MOB1B: variants seen among roughly 807,000 people sequenced by gnomAD.
MOB1B encodes the protein MOB1 Mps One Binder homolog B.
In MOB1B, 19 loss-of-function variants were observed where a neutral mutation model predicts 24.4. The observed-to-expected ratio is 0.78, with a 90% confidence interval of 0.54 to 1.14. The LOEUF (loss-of-function observed/expected upper bound fraction) is 1.14. Among genes scored for constraint, MOB1B ranks in the 50% most tolerant of loss-of-function variants. The pLI, the probability that MOB1B is intolerant of heterozygous loss-of-function variation, is 0.00. For missense variants in MOB1B, 243 were observed against 259.6 expected, an observed-to-expected ratio of 0.94 and a Z score of 0.44; for synonymous variants, 76 against 82.1, an observed-to-expected ratio of 0.93 and a Z score of 0.40.
intron 1 of MOB1B, among the ~76,000 whole-genome samples, chr4:70,923,840 C>G (rs1560634937): frequency 2.0e-5 from 3 of 150,626 alleles, no homozygotes; most frequent in Non-Finnish European, 4.4e-5. Context: ...GTCCCACCTA[C>G]TCAGGCTGAG....
rs1444548608 is a variant in MOB1B at position 70,985,148 on chromosome 4, AT to A, written c.*3093del. 6.6e-6 allele frequency: 1 copy of A among 152,204 alleles called. No homozygotes were observed. Among genetic ancestry groups the A allele is most frequent in the African/African-American group, 2.4e-5 (1 of 41,452 alleles). The allele number at this position is 152,204 out of a possible 1,614,324, so 9.4% of individuals were successfully genotyped here. ...ATAACCACCAGACTCCATTTTATAT[AT>A]TAGCATTTTCCTTGCTTATGGGAAA... On this transcript the variant is annotated 3_prime_UTR_variant, in exon 6 of 6. Transcript: ENST00000309395.
chr4:70,982,817 T>A lies in MOB1B; in HGVS notation c.*760T>A, dbSNP rs1398667629. 6.6e-6 allele frequency: 1 copy of A among 152,548 alleles called. No individual in the cohort carries two copies. Among genetic ancestry groups the A allele is most frequent in the Non-Finnish European group, 1.5e-5 (1 of 68,004 alleles). 9.4% of individuals were successfully genotyped at this position (152,548 alleles called of 1,614,324 possible). ...TTCTACATGTTAACTGCACTGTAGA[T>A]GTAAAAATTCAGGTTATATATAGGA... On this transcript the variant is annotated 3_prime_UTR_variant, in exon 6 of 6. Coordinates refer to ENST00000309395, the MANE Select transcript of MOB1B (RefSeq NM_173468.4).
intron 1 of MOB1B, among the ~76,000 whole-genome samples, chr4:70,906,981 G>A (rs1293082761): frequency 3.3e-5 from 5 of 152,198 alleles, no homozygotes; most frequent in African/African-American, 1.2e-4. Context: ...CTTTAGGAAA[G>A]TTTCATGAAA....
At chr4:70,903,035 C>G (rs948787392) in intron 1 of MOB1B, among the ~76,000 whole-genome samples, 1 of 152,182 alleles carries the variant, frequency 6.6e-6, no homozygotes, top group Non-Finnish European at 1.5e-5. Flanking sequence ...TTAACTTCCT[C>G]TCTCGTCTTA....
At chr4:70,924,091 A>G (rs111675201) in intron 1 of MOB1B, among the ~76,000 whole-genome samples, 1,635 of 152,136 alleles carry the variant, frequency 0.011, 28 homozygotes, top group African/African-American at 0.038. Flanking sequence ...GGTGTTTGGG[A>G]TCATGTTTCA....
intron 1 of MOB1B, among the ~76,000 whole-genome samples, chr4:70,950,396 C>G (rs952036934): frequency 6.9e-6 from 1 of 144,826 alleles, no homozygotes; most frequent in African/African-American, 2.6e-5. Flanking sequence ...TCACAGCCCT[C>G]TAGCCTGGGT....
chr4:70,905,572 G>A (rs1170998882), intron 1 of MOB1B, among the ~76,000 whole-genome samples: 2 of 152,114 alleles, frequency 1.3e-5, no homozygotes, highest in African/African-American at 4.8e-5. Context: ...ACCAACAGAT[G>A]AGCAGAGAAG....
intron 3 of MOB1B, among the ~76,000 whole-genome samples, chr4:70,973,225 A>T (rs1327554959): frequency 6.6e-6 from 1 of 152,166 alleles, no homozygotes; most frequent in Non-Finnish European, 1.5e-5. Context: ...AATGATTGAC[A>T]AGATGAAAAC....
Position 70,958,999 on chromosome 4 carries a change from T to C in MOB1B, c.140T>C (p.Leu47Pro). 2 of 1,614,164 alleles carry C rather than the reference T, an allele frequency of 1.2e-6. No individual in the cohort carries two copies. Among genetic ancestry groups the C allele is most frequent in the South Asian group, 2.2e-5 (2 of 91,070 alleles). The change falls in exon 2 of 6, where the codon CTT (leucine) becomes CCT (proline). Residue 47 changes from leucine to proline, a missense_variant. Transcript: ENST00000309395. ...GSGNLRMAVM[L>P]PEGEDLNEWV... ...GGCAACCTTCGGATGGCTGTCATGC[T>C]TCCTGAAGGGGAAGATCTCAATGAA...
At chr4:70,921,495 C>CCCTCT (rs1261068257) in intron 1 of MOB1B, among the ~76,000 whole-genome samples, 1 of 125,200 alleles carries the variant, frequency 8.0e-6, no homozygotes, top group African/African-American at 3.0e-5. Flanking sequence ...CCCTCCCCTC[C>CCCTCT]CCTCCCCTCC....
chr4:70,982,090 A>G lies in MOB1B; in HGVS notation c.*33A>G, dbSNP rs1469421817. ...CAGAGCTGTGCAAATTGTTCCTCAA[A>G]TGAAGCAGTGTGGAGTGTATTGGGG... On this transcript the variant is annotated 3_prime_UTR_variant, in exon 6 of 6. Coordinates refer to ENST00000309395, the MANE Select transcript of MOB1B (RefSeq NM_173468.4). The G allele has an allele frequency of 2.0e-6, 3 of 1,483,738 alleles. No individual in the cohort carries two copies. Among genetic ancestry groups the G allele is most frequent in the Non-Finnish European group, 2.8e-6 (3 of 1,063,486 alleles). The allele number at this position is 1,483,738 out of a possible 1,614,324, so 91.9% of individuals were successfully genotyped here.
chr4:70,919,255 A>G (rs987687830), intron 1 of MOB1B, among the ~76,000 whole-genome samples: 32 of 152,008 alleles, frequency 2.1e-4, no homozygotes, highest in African/African-American at 7.2e-4. Flanking sequence ...ACATGTATAC[A>G]TAAGTAACAA....
At chr4:70,966,307 G>A (rs762648105) in intron 2 of MOB1B, among the ~76,000 whole-genome samples, 1 of 152,024 alleles carries the variant, frequency 6.6e-6, no homozygotes, top group Non-Finnish European at 1.5e-5. Flanking sequence ...TGCTTTGGGA[G>A]GCCAAGGTGG....
chr4:70,956,723 T>A (rs1738069454), intron 1 of MOB1B, among the ~76,000 whole-genome samples: 2 of 152,116 alleles, frequency 1.3e-5, no homozygotes, highest in African/African-American at 4.8e-5. Flanking sequence ...CTCAGCCCTG[T>A]GATGAGTGTT....
intron 2 of MOB1B, among the ~76,000 whole-genome samples, chr4:70,962,516 G>A (rs973986291): frequency 2.6e-5 from 4 of 151,836 alleles, no homozygotes; most frequent in African/African-American, 9.7e-5. Context: ...TCTAGACACA[G>A]ATTTACACCT....
At chr4:70,968,457 A>C (rs534565797) in intron 2 of MOB1B, among the ~76,000 whole-genome samples, 1 of 152,192 alleles carries the variant, frequency 6.6e-6, no homozygotes, top group Admixed American at 6.5e-5. Flanking sequence ...GATTACAGGC[A>C]TGCGCCACCA....
At position 70,987,276 on chromosome 4, in the gene MOB1B, C is replaced by A. The variant is rs1200761999; in HGVS notation, c.*5219C>A. 6.6e-6 allele frequency: 1 copy of A among 151,598 alleles called. No individual in the cohort carries two copies. The highest frequency in any genetic ancestry group is 1.5e-5 in the Non-Finnish European group (1 of 67,890). The allele number at this position is 151,598 out of a possible 1,614,324, so 9.4% of individuals were successfully genotyped here. A position where few individuals can be genotyped will look rare whatever the true frequency, so the allele number is the denominator to read the frequency against. On this transcript the variant is annotated 3_prime_UTR_variant, in exon 6 of 6. Coordinates refer to ENST00000309395, the MANE Select transcript of MOB1B (RefSeq NM_173468.4). ...AAGTTAAAATTTCAATATTTAATTT[C>A]TCTATATATTATTAATATTAAATTG...
chr4:70,980,292 ATGT>A (rs907944730), intron 5 of MOB1B, among the ~76,000 whole-genome samples: 15 of 152,288 alleles, frequency 9.8e-5, no homozygotes, highest in Admixed American at 2.0e-4. Context: ...AACAAAGAAA[ATGT>A]TGTCCTAAAG....
chr4:70,937,202 G>A (rs1054284055), intron 1 of MOB1B, among the ~76,000 whole-genome samples: 1 of 152,128 alleles, frequency 6.6e-6, no homozygotes, highest in Non-Finnish European at 1.5e-5. Context: ...ACAGGCGTGA[G>A]CCACCTTGCC....
Sources: allele counts gnomAD v4.1 joint callset (sites outside exome capture counted in the v4.1 genomes callset), GRCh38; gene constraint gnomAD v4.1.1; transcripts MANE v1.5; gene names NCBI Gene and HGNC (gene_info 2026-07-23, HGNC 2026-07-21).